The following KLF16 variants were observed in gnomAD, a reference collection of about 807,000 sequenced individuals.
KLF16 encodes the protein Krueppel-like factor 16.
KLF16 carries 6 observed loss-of-function variants against 6.1 expected under a neutral mutation model. That is an observed-to-expected ratio of 0.98 (90% CI 0.54 to 1.93). The LOEUF (loss-of-function observed/expected upper bound fraction) is 1.93, where lower values mean the gene tolerates loss of function less well. KLF16 is among the 30% of genes most tolerant of loss of function. The probability of loss-of-function intolerance (pLI) is 0.01; values close to 1 mark genes in which losing one functional copy is unlikely to be tolerated. For synonymous variants in KLF16, 211 were observed against 176.5 expected, an observed-to-expected ratio of 1.20 and a Z score of -1.55; for missense variants, 355 against 363.8, an observed-to-expected ratio of 0.98 and a Z score of 0.20.
chr19:1,868,657 T>C, the KLF16 span, among the ~76,000 whole-genome samples: 1 of 149,938 alleles, frequency 6.7e-6, no homozygotes, highest in South Asian at 2.1e-4. Flanking sequence ...TTTTTTTTTT[T>C]TTTGGAAATA....
At chr19:1,875,265 C>G in the KLF16 span, 3 of 152,190 alleles carry the variant, frequency 2.0e-5, no homozygotes, top group Non-Finnish European at 4.4e-5. Flanking sequence ...CAGCAAAAAC[C>G]CTAAATTTCT....
At chr19:1,865,529 G>C (rs1003793084), upstream of KLF16, among the ~76,000 whole-genome samples, 1 of 152,228 alleles carries the variant, frequency 6.6e-6, no homozygotes, top group Non-Finnish European at 1.5e-5. Context: ...GCTTACAGTT[G>C]TAACTGGGAG....
At chr19:1,869,930 C>CTTTTTT in the KLF16 span, among the ~76,000 whole-genome samples, 64 of 109,692 alleles carry the variant, frequency 5.8e-4, no homozygotes, top group Non-Finnish European at 8.7e-4. Flanking sequence ...AATACTTTTT[C>CTTTTTT]TTTTTTTTTT....
chr19:1,859,751 C>T (rs966097007), intron 1 of KLF16, among the ~76,000 whole-genome samples: 16 of 152,172 alleles, frequency 1.1e-4, no homozygotes, highest in African/African-American at 3.6e-4. Flanking sequence ...TCCTGGGGCG[C>T]GGGGACTGGG....
chr19:1,860,286 G>A (rs775462718), intron 1 of KLF16: 1 of 152,458 alleles, frequency 6.6e-6, no homozygotes, highest in Non-Finnish European at 1.5e-5. Flanking sequence ...GCCCCACGCA[G>A]GGGAGAGAGA....
At chr19:1,858,971 G>A (rs1017969112) in intron 1 of KLF16, among the ~76,000 whole-genome samples, 11 of 152,070 alleles carry the variant, frequency 7.2e-5, no homozygotes, top group African/African-American at 2.2e-4. Context: ...CCCTGGGGGA[G>A]CCCTCCCCAT....
At chr19:1,861,706 G>C (rs2012068961) in intron 1 of KLF16, 1 of 152,310 alleles carries the variant, frequency 6.6e-6, no homozygotes, top group Non-Finnish European at 1.5e-5. Flanking sequence ...GCAGAACAGA[G>C]AGGGGGCGGC....
chr19:1,870,116 G>C, the KLF16 span, among the ~76,000 whole-genome samples: 1 of 150,654 alleles, frequency 6.6e-6, no homozygotes, highest in Non-Finnish European at 1.5e-5. Flanking sequence ...ATTTTTAGTA[G>C]AGACGGGGTT....
chr19:1,869,056 A>G, the KLF16 span, among the ~76,000 whole-genome samples: 2 of 152,208 alleles, frequency 1.3e-5, no homozygotes, highest in Non-Finnish European at 2.9e-5. Context: ...CTCAAGAGAC[A>G]TAAGGATGAA....
the KLF16 span, among the ~76,000 whole-genome samples, chr19:1,871,652 C>T: frequency 2.6e-5 from 4 of 152,244 alleles, no homozygotes; most frequent in South Asian, 2.1e-4. Context: ...GGGGCCACCA[C>T]GCACGGTGGG....
chr19:1,864,461 T>C (rs969178076), upstream of KLF16, among the ~76,000 whole-genome samples: 14 of 149,438 alleles, frequency 9.4e-5, no homozygotes, highest in Admixed American at 3.3e-4. Flanking sequence ...GCTGCGTTCG[T>C]TCCTCTTTTT....
At chr19:1,874,310 G>T in the KLF16 span, among the ~76,000 whole-genome samples, 1 of 152,106 alleles carries the variant, frequency 6.6e-6, no homozygotes, top group Non-Finnish European at 1.5e-5. Flanking sequence ...CTGGAAAACT[G>T]GGATAAGAGT....
chr19:1,861,117 C>T (rs1233938195), intron 1 of KLF16, among the ~76,000 whole-genome samples: 1 of 152,144 alleles, frequency 6.6e-6, no homozygotes, highest in Non-Finnish European at 1.5e-5. Context: ...ACAATACTGC[C>T]TTCCCAGGAC....
the KLF16 span, among the ~76,000 whole-genome samples, chr19:1,874,419 A>T: frequency 6.6e-6 from 1 of 152,148 alleles, no homozygotes; most frequent in South Asian, 2.1e-4. Context: ...TGTGGAAAAA[A>T]AGTTTTGCTT....
upstream of KLF16, among the ~76,000 whole-genome samples, chr19:1,865,681 G>T (rs1285108138): frequency 6.6e-6 from 1 of 152,164 alleles, no homozygotes; most frequent in South Asian, 2.1e-4. Context: ...TGCAGGTCAT[G>T]CCAGCCACTC....
the KLF16 span, among the ~76,000 whole-genome samples, chr19:1,869,305 C>T: frequency 6.6e-6 from 1 of 152,074 alleles, no homozygotes; most frequent in Non-Finnish European, 1.5e-5. Flanking sequence ...GGTGAAACCC[C>T]ATCTCTACTA....
chr19:1,863,474 C>T lies in KLF16; in HGVS notation c.24G>A (p.Val8=). 9.6e-7 allele frequency: 1 copy of T among 1,041,134 alleles called. No individual in the cohort carries two copies. Among genetic ancestry groups the T allele is most frequent in the Non-Finnish European group, 1.2e-6 (1 of 862,342 alleles). The allele number at this position is 1,041,134 out of a possible 1,614,324, so 64.5% of individuals were successfully genotyped here. The change falls in exon 1 of 2, where the codon GTG becomes GTA. Residue 8 remains valine (V), a synonymous_variant. Transcript: ENST00000250916. The part of the protein sequence containing the change: MSAAVAC[V]DYFAADVLMA... ...TGAGCACGTCGGCGGCGAAGTAATC[C>T]ACGCACGCCACGGCCGCCGACATGC... is the stretch of plus-strand genomic sequence containing the variant.
At chr19:1,854,880 T>C in intron 1 of KLF16, 120 bp from the exon 2 acceptor site, 1 of 1,083,794 alleles carries the variant, frequency 9.2e-7, no homozygotes, top group Non-Finnish European at 1.3e-6. Context: ...GAGGCTGAGC[T>C]CTGGTGTGAG....
At chr19:1,864,011 G>C (rs2012136484), upstream of KLF16, among the ~76,000 whole-genome samples, 1 of 130,336 alleles carries the variant, frequency 7.7e-6, no homozygotes, top group African/African-American at 2.9e-5. Context: ...CGAGGACCCC[G>C]CCCCCTCTCC....
Sources: gnomAD v4.1 joint callset for allele counts (sites outside exome capture counted in the v4.1 genomes callset) on GRCh38, gnomAD v4.1.1 for gene constraint, MANE v1.5 for transcripts, NCBI Gene and HGNC (gene_info 2026-07-23, HGNC 2026-07-21) for gene names.